Variants in SLC4A8 observed in about 807,000 individuals in gnomAD.
The protein encoded by SLC4A8 is solute carrier family 4 member 8.
A neutral mutation model predicts 125.0 loss-of-function variants in SLC4A8; 40 were observed. That is an observed-to-expected ratio of 0.32 (90% CI 0.25 to 0.42). The LOEUF (loss-of-function observed/expected upper bound fraction) is 0.42, where lower values mean the gene tolerates loss of function less well. SLC4A8 is among the 10% of genes least tolerant of loss of function. The pLI, the probability that SLC4A8 is intolerant of heterozygous loss-of-function variation, is 1.00. For missense variants in SLC4A8, 863 were observed against 1,355.1 expected (o/e 0.64, Z 5.70); for synonymous variants, 456 against 476.0 (o/e 0.96, Z 0.55).
chr12:51,482,637 C>T (rs952689825), intron 16 of SLC4A8, among the ~76,000 whole-genome samples: 8 of 152,172 alleles, frequency 5.3e-5, no homozygotes, highest in Non-Finnish European at 1.0e-4. Context: ...ACGTCAGCCT[C>T]CCAAAGTGCT....
At chr12:51,403,525 A>G (rs1013014253) in intron 1 of SLC4A8, among the ~76,000 whole-genome samples, 1 of 152,192 alleles carries the variant, frequency 6.6e-6, no homozygotes, top group Non-Finnish European at 1.5e-5. Flanking sequence ...ACAAGGGTAC[A>G]TTTAGGTGGG....
chr12:51,501,941 CTT>C (rs1451568064), intron 22 of SLC4A8: 2 of 152,172 alleles, frequency 1.3e-5, no homozygotes, highest in Non-Finnish European at 2.9e-5. Flanking sequence ...TTGTTGACTG[CTT>C]GTATGTCTTC....
intron 10 of SLC4A8, chr12:51,462,869 GGT>G (rs1950376790): frequency 6.9e-6 from 1 of 144,802 alleles, no homozygotes; most frequent in South Asian, 2.2e-4. Context: ...TTCCAGCTTG[GGT>G]GACAGAGCGA....
chr12:51,450,713 CTA>C, intron 2 of SLC4A8, 161 bp from the exon 3 acceptor site: 1 of 713,146 alleles, frequency 1.4e-6, no homozygotes, highest in Non-Finnish European at 2.3e-6. Context: ...TCCAAAATCT[CTA>C]TATCTTTACT....
chr12:51,404,669 C>G (rs1005650982), intron 1 of SLC4A8, among the ~76,000 whole-genome samples: 1 of 152,102 alleles, frequency 6.6e-6, no homozygotes, highest in Admixed American at 6.6e-5. Context: ...TCAACTTGAC[C>G]GTGAAGCCAA....
At chr12:51,424,050 A>C (rs1477160134), upstream of SLC4A8, among the ~76,000 whole-genome samples, 98 of 69,834 alleles carry the variant, frequency 1.4e-3, 6 homozygotes, top group South Asian at 2.8e-3. Context: ...AAAAAAAAAA[A>C]AAACAAAAAA....
rs558505069 is a variant in SLC4A8 at position 51,461,631 on chromosome 12, A to G, written c.1101+340A>G. The G allele has an allele frequency of 2.7e-5, 6 of 219,420 alleles. No homozygotes were observed. The South Asian group carries it at 4.3e-4, about 16-fold the overall frequency. 13.6% of individuals were successfully genotyped at this position (219,420 alleles called of 1,614,324 possible). ...AATTAAATACATTCAAGCTATTTAC[A>G]TAAAGAAACCTCACTCCTGTTCCAC... On this transcript the variant is annotated intron_variant, in intron 9 of 24. Coordinates refer to ENST00000453097, the MANE Select transcript of SLC4A8 (RefSeq NM_001039960.3).
chr12:51,458,745 T>G, intron 7 of SLC4A8, 95 bp downstream of exon 7: 2 of 823,888 alleles, frequency 2.4e-6, no homozygotes, highest in Non-Finnish European at 4.1e-6. Flanking sequence ...GGTTTAGTGT[T>G]TCAAGACTCT....
intron 14 of SLC4A8, among the ~76,000 whole-genome samples, chr12:51,474,075 C>G (rs1168992153): frequency 6.6e-6 from 1 of 152,162 alleles, no homozygotes; most frequent in Non-Finnish European, 1.5e-5. Flanking sequence ...CCAATCAAGA[C>G]TCATTCTGGG....
intron 2 of SLC4A8, among the ~76,000 whole-genome samples, chr12:51,445,474 G>A (rs1032206401): frequency 1.3e-5 from 2 of 152,236 alleles, no homozygotes; most frequent in South Asian, 4.1e-4. Context: ...GGCCAGAAGT[G>A]GTTGTTCAGG....
chr12:51,458,590 T>C lies in SLC4A8; in HGVS notation c.795T>C (p.Thr265=). ...CCGTGTCTCCTCAGTCTGTTCCAAC[T>C]ACAAATCTTGAAGTAAAAAATGGAG... ...GQTVSPQSVP[T]TNLEVKNGVN... is the part of the protein sequence containing the mutation. Residue 265 remains threonine, a synonymous_variant, in exon 7 of 25, where the codon ACT becomes ACC. Transcript: ENST00000453097. The C allele has an allele frequency of 1.2e-6, 2 of 1,613,814 alleles. No homozygotes were observed. Among genetic ancestry groups the C allele is most frequent in the Non-Finnish European group, 1.7e-6 (2 of 1,179,694 alleles).
rs143969659 is a variant in SLC4A8 at position 51,413,548 on chromosome 12, T to G, written c.-112+22060T>G. Reference sequence around the variant, plus strand: ...TTCTTCTAGTAGTATTTATAGTTCCTGGTCTTACATTTAAGCCTTTAATTC... The same window carrying G: ...TTCTTCTAGTAGTATTTATAGTTCCGGGTCTTACATTTAAGCCTTTAATTC... On this transcript the variant is annotated intron_variant, in intron 1 of 24. Coordinates refer to the SLC4A8 transcript ENST00000358657. 3.0e-4 allele frequency among the ~76,000 whole-genome samples: 46 copies of G among 152,304 alleles called. No homozygotes were observed. The East Asian group carries it at 8.9e-3, about 29-fold the overall frequency.
chr12:51,405,787 A>G (rs1948474645), intron 1 of SLC4A8, among the ~76,000 whole-genome samples: 1 of 152,252 alleles, frequency 6.6e-6, no homozygotes, highest in Non-Finnish European at 1.5e-5. Context: ...GATTCATTCC[A>G]GGAAGAAATA....
At chr12:51,480,322 C>T in intron 16 of SLC4A8, 1 of 1,203,074 alleles carries the variant, frequency 8.3e-7, no homozygotes, top group Non-Finnish European at 1.1e-6. Flanking sequence ...ATATGTATGT[C>T]TTATTATATA....
At position 51,507,469 on chromosome 12, in the gene SLC4A8, G is replaced by A. The variant is rs372768978; in HGVS notation, c.*31G>A. 1.0e-4 allele frequency: 137 copies of A among 1,374,158 alleles called. No homozygotes were observed. The highest frequency in any genetic ancestry group is 2.2e-4 in the Admixed American group (8 of 36,180). The allele number at this position is 1,374,158 out of a possible 1,614,324, so 85.1% of individuals were successfully genotyped here. A position where few individuals can be genotyped will look rare whatever the true frequency, so the allele number is the denominator to read the frequency against. ...TTTGCTGGGATGGAAGATTTGGGCC[G>A]TGTGGTGCCTCAGGGAAGTTCTGGT... On this transcript the variant is annotated 3_prime_UTR_variant, in exon 25 of 25. Transcript: ENST00000453097.
chr12:51,437,599 C>T (rs954574988), intron 1 of SLC4A8, among the ~76,000 whole-genome samples: 16 of 152,106 alleles, frequency 1.1e-4, no homozygotes, highest in Non-Finnish European at 1.9e-4. Context: ...ACTCTCTTAC[C>T]AGAAGCAGAT....
In SLC4A8 at chr12:51,425,183, C is replaced by T. The variant is rs890737261; in HGVS notation, c.48+148C>T. Reference sequence around the variant, plus strand: ...GAGGCCAGCCCGGGACACCAGGGGGCGCTCCGGGCGGTTGGGGACCAGGCC... The same window carrying T: ...GAGGCCAGCCCGGGACACCAGGGGGTGCTCCGGGCGGTTGGGGACCAGGCC... On this transcript the variant is annotated intron_variant, in intron 1 of 24. Coordinates refer to ENST00000453097, the MANE Select transcript of SLC4A8 (RefSeq NM_001039960.3). 4.9e-6 allele frequency: 7 copies of T among 1,421,866 alleles called. No individual in the cohort carries two copies. In the African/African-American group the frequency reaches 1.0e-4, roughly 21 times the overall value. The allele number at this position is 1,421,866 out of a possible 1,614,324, so 88.1% of individuals were successfully genotyped here. A position where few individuals can be genotyped will look rare whatever the true frequency, so the allele number is the denominator to read the frequency against.
At chr12:51,491,322 G>A (rs947814482) in intron 19 of SLC4A8, among the ~76,000 whole-genome samples, 2 of 152,274 alleles carry the variant, frequency 1.3e-5, no homozygotes, top group Middle Eastern at 3.4e-3. Context: ...AAGAGACGAC[G>A]TAAAAGAGAA....
At chr12:51,409,658 T>C (rs1459803277) in intron 1 of SLC4A8, among the ~76,000 whole-genome samples, 1 of 152,192 alleles carries the variant, frequency 6.6e-6, no homozygotes, top group Non-Finnish European at 1.5e-5. Context: ...CAAGGGATCC[T>C]CCTGCCTCAG....
Sources: gnomAD v4.1 joint callset for allele counts (sites outside exome capture counted in the v4.1 genomes callset) on GRCh38, gnomAD v4.1.1 for gene constraint, MANE v1.5 for transcripts, NCBI Gene and HGNC (gene_info 2026-07-23, HGNC 2026-07-21) for gene names.